Variants in RBFOX1 observed in about 807,000 individuals in gnomAD.
RBFOX1 encodes the protein RNA binding fox-1 homolog 1, also known as RNA binding protein fox-1 homolog 1.
RBFOX1 carries 8 observed loss-of-function variants against 57.7 expected under a neutral mutation model. The ratio of observed to expected loss-of-function variants is 0.14; its 90% CI spans 0.08 to 0.25. The LOEUF (loss-of-function observed/expected upper bound fraction) is 0.25. Among genes scored for constraint, RBFOX1 ranks in the 10% least tolerant of loss-of-function variants. The pLI, the probability that RBFOX1 is intolerant of heterozygous loss-of-function variation, is 1.00. For synonymous variants in RBFOX1, 326 were observed against 222.4 expected (o/e 1.47, Z -4.15); for missense variants, 611 against 548.5 (o/e 1.11, Z -1.14).
chr16:7,616,796 T>C (rs535125774), intron 10 of RBFOX1, among the ~76,000 whole-genome samples: 71 of 152,150 alleles, frequency 4.7e-4, no homozygotes, highest in African/African-American at 1.7e-3. Flanking sequence ...TATTCCAAAG[T>C]GCTGGGATTA....
chr16:6,528,347 T>C (rs1456360559), intron 2 of RBFOX1, among the ~76,000 whole-genome samples: 2 of 152,206 alleles, frequency 1.3e-5, no homozygotes, highest in Admixed American at 1.3e-4. Flanking sequence ...ACAAGCTGCC[T>C]AACTGTTTGC....
rs112503817 is a variant in RBFOX1, at chr16:6,221,279, T to C, written c.-126-95716T>C. ...ACCAGCCTTGGGTTTTATAATTACT[T>C]TACATTTTCCTAATAGAAACTGTAT... On this transcript the variant is annotated intron_variant, in intron 1 of 15. Coordinates refer to ENST00000550418, the MANE Select transcript of RBFOX1 (RefSeq NM_018723.4). 2.8e-3 allele frequency among the ~76,000 whole-genome samples: 431 copies of C among 152,330 alleles called. 4 individuals carry two copies. The highest frequency in any genetic ancestry group is 0.026 in the South Asian group (125 of 4,822).
intron 4 of RBFOX1, among the ~76,000 whole-genome samples, chr16:7,217,683 A>AT (rs1158504794): frequency 4.6e-5 from 7 of 152,122 alleles, no homozygotes; most frequent in African/African-American, 1.4e-4. Context: ...AGGGGGAAGG[A>AT]TTTTTTTGGT....
chr16:5,410,410 C>G (rs2066989336), intron 1 of RBFOX1, among the ~76,000 whole-genome samples: 1 of 151,988 alleles, frequency 6.6e-6, no homozygotes, highest in Admixed American at 6.6e-5. Context: ...GTGCATGTCT[C>G]TTGTTGACCA....
At chr16:6,442,600 G>A (rs1443444630) in intron 2 of RBFOX1, among the ~76,000 whole-genome samples, 1 of 151,832 alleles carries the variant, frequency 6.6e-6, no homozygotes, top group Non-Finnish European at 1.5e-5. Context: ...TTCCTCTGCT[G>A]TCTTCCTTCT....
chr16:7,224,150 A>AAAAAAAAAAAAACAAC (rs1322023621), intron 4 of RBFOX1, among the ~76,000 whole-genome samples: 1 of 150,100 alleles, frequency 6.7e-6, no homozygotes, highest in Non-Finnish European at 1.5e-5. Flanking sequence ...AAAAAAAAAA[A>AAAAAAAAAAAAACAAC]AAAAAAGGCT....
At chr16:6,854,958 G>C (rs902340755) in intron 3 of RBFOX1, among the ~76,000 whole-genome samples, 3 of 151,976 alleles carry the variant, frequency 2.0e-5, no homozygotes, top group African/African-American at 7.3e-5. Flanking sequence ...ACCGAGATTA[G>C]AATCCCTTGT....
At chr16:5,432,974 C>T (rs557102597) in intron 1 of RBFOX1, among the ~76,000 whole-genome samples, 17 of 152,224 alleles carry the variant, frequency 1.1e-4, no homozygotes, top group African/African-American at 3.9e-4. Flanking sequence ...TTAGTACAGA[C>T]AGGGTTTCAC....
intron 4 of RBFOX1, among the ~76,000 whole-genome samples, chr16:7,199,998 C>T (rs183140005): frequency 1.2e-4 from 19 of 152,318 alleles, no homozygotes; most frequent in African/African-American, 4.6e-4. Context: ...CTTGAATGTG[C>T]TCAGAATGTG....
At chr16:6,575,460 C>T (rs547163017) in intron 2 of RBFOX1, among the ~76,000 whole-genome samples, 19 of 152,268 alleles carry the variant, frequency 1.2e-4, no homozygotes, top group South Asian at 6.2e-4. Context: ...GTTCCTGCAG[C>T]ACATTTCTGG....
intron 14 of RBFOX1, among the ~76,000 whole-genome samples, chr16:7,699,636 C>G (rs768907689): frequency 2.0e-5 from 3 of 152,122 alleles, no homozygotes; most frequent in Non-Finnish European, 2.9e-5. Flanking sequence ...ATTTCCAAAA[C>G]TTAGTACAAA....
chr16:5,739,961 G>A (rs2052717081), intron 3 of RBFOX1, among the ~76,000 whole-genome samples: 1 of 152,218 alleles, frequency 6.6e-6, no homozygotes. Flanking sequence ...GGGTGAGGCT[G>A]GGTTGCTGAG....
chr16:6,287,901 C>G (rs76166577), intron 1 of RBFOX1, among the ~76,000 whole-genome samples: 1,924 of 152,228 alleles, frequency 0.013, 47 homozygotes, highest in African/African-American at 0.044. Flanking sequence ...TTCAGTCTAG[C>G]TTACCCATGC....
At chr16:6,626,719 C>G (rs141297571) in intron 2 of RBFOX1, among the ~76,000 whole-genome samples, 1,996 of 152,002 alleles carry the variant, frequency 0.013, 58 homozygotes, top group African/African-American at 0.045. Context: ...AAGATTGCAC[C>G]ACAGCACCCC....
intron 3 of RBFOX1, among the ~76,000 whole-genome samples, chr16:6,760,318 C>A (rs903788717): frequency 1.3e-5 from 2 of 152,204 alleles, no homozygotes; most frequent in South Asian, 2.1e-4. Context: ...TTTCTGTTAT[C>A]TATGAAGGTG....
chr16:6,289,308 G>T (rs62016193), intron 1 of RBFOX1, among the ~76,000 whole-genome samples: 9 of 151,966 alleles, frequency 5.9e-5, no homozygotes, highest in African/African-American at 2.2e-4. Context: ...GTGGATATAG[G>T]TGTTATTCTT....
intron 4 of RBFOX1, among the ~76,000 whole-genome samples, chr16:5,923,530 CTTT>C (rs71404564): frequency 3.5e-4 from 38 of 109,370 alleles, no homozygotes; most frequent in African/African-American, 1.2e-3. Flanking sequence ...CAGAGCCAGG[CTTT>C]TTTTTTTTTT....
At chr16:7,252,567 T>C (rs1301832432) in intron 4 of RBFOX1, among the ~76,000 whole-genome samples, 2 of 152,260 alleles carry the variant, frequency 1.3e-5, no homozygotes, top group Non-Finnish European at 2.9e-5. Context: ...CATCATCCAA[T>C]ATAACAGCAA....
chr16:6,552,098 C>G (rs1396460309), intron 2 of RBFOX1, among the ~76,000 whole-genome samples: 1 of 152,134 alleles, frequency 6.6e-6, no homozygotes, highest in East Asian at 1.9e-4. Context: ...ACTTCATGAC[C>G]TACTGCTTCC....
Sources: allele counts gnomAD v4.1 joint callset (sites outside exome capture counted in the v4.1 genomes callset), GRCh38; gene constraint gnomAD v4.1.1; transcripts MANE v1.5; gene names NCBI Gene and HGNC (gene_info 2026-07-23, HGNC 2026-07-21).